The following OR52N4 variants were observed in gnomAD, a reference collection of about 807,000 sequenced individuals.
OR52N4 encodes the protein olfactory receptor 52N4.
In OR52N4, 15 loss-of-function variants were observed where a neutral mutation model predicts 15.0. The observed-to-expected ratio is 1.00, with a 90% CI of 0.67 to 1.54. The LOEUF (loss-of-function observed/expected upper bound fraction) is 1.54, where lower values mean the gene tolerates loss of function less well. Among genes scored for constraint, OR52N4 ranks in the 40% most tolerant of loss-of-function variants. The pLI is 0.00. For synonymous variants in OR52N4, 143 were observed against 143.7 expected, an observed-to-expected ratio of 1.00 and a Z score of 0.03; for missense variants, 421 against 394.0, an observed-to-expected ratio of 1.07 and a Z score of -0.58.
chr11:5,747,311 TAAATA>T, the OR52N4 span, among the ~76,000 whole-genome samples: 1 of 151,418 alleles, frequency 6.6e-6, no homozygotes, highest in African/African-American at 2.4e-5. Flanking sequence ...TCTAAAAAAA[TAAATA>T]AAATAAAATA....
Position 5,755,674 on chromosome 11 carries a change from G to T in OR52N4, c.934G>T (p.Gly312Cys). The change falls in exon 2 of 2, where the codon GGT (glycine) becomes TGT (cysteine). Residue 312 changes from glycine (G) to cysteine (C), a missense_variant. Gly to Cys is a radical substitution (Grantham distance 159). Transcript: ENST00000641350. ...AGACTGTGTCATAAGGATCCTTTCA[G>T]GTTCTAAGGATACCAAATCCTACAG... ...IRDCVIRILS[G>C]SKDTKSYSM 6.2e-7 allele frequency: 1 copy of T among 1,613,442 alleles called. No individual in the cohort carries two copies.
chr11:5,750,412 CA>C (rs1854165429), upstream of OR52N4, among the ~76,000 whole-genome samples: 1 of 151,884 alleles, frequency 6.6e-6, no homozygotes, highest in East Asian at 1.9e-4. Context: ...AGAAAAGCTG[CA>C]AAAGTGCATC....
chr11:5,728,826 C>G, the OR52N4 span, among the ~76,000 whole-genome samples: 1 of 152,276 alleles, frequency 6.6e-6, no homozygotes, highest in East Asian at 1.9e-4. Flanking sequence ...AAAAAATAAT[C>G]ACTTTTTATA....
chr11:5,728,439 G>A, the OR52N4 span, among the ~76,000 whole-genome samples: 1 of 152,196 alleles, frequency 6.6e-6, no homozygotes, highest in Admixed American at 6.5e-5. Context: ...TTGGAAACCA[G>A]TTACTGTACA....
chr11:5,738,848 G>T, the OR52N4 span, among the ~76,000 whole-genome samples: 1 of 131,060 alleles, frequency 7.6e-6, no homozygotes, highest in African/African-American at 2.7e-5. Context: ...ATCTTTTCCA[G>T]GCTACTTTCC....
chr11:5,738,769 T>G, the OR52N4 span, among the ~76,000 whole-genome samples: 9 of 151,066 alleles, frequency 6.0e-5, no homozygotes, highest in Non-Finnish European at 1.3e-4. Context: ...TTTCTTTCTT[T>G]TTTTTTTAAA....
the OR52N4 span, among the ~76,000 whole-genome samples, chr11:5,728,191 T>G: frequency 2.0e-5 from 3 of 152,304 alleles, no homozygotes; most frequent in Admixed American, 6.5e-5. Flanking sequence ...ACAAGCAGTT[T>G]CCAATTATTC....
At chr11:5,735,730 T>A in the OR52N4 span, among the ~76,000 whole-genome samples, 1 of 152,192 alleles carries the variant, frequency 6.6e-6, no homozygotes, top group Non-Finnish European at 1.5e-5. Flanking sequence ...AGTCTAATTT[T>A]AACCATGATT....
chr11:5,749,880 C>G (rs543693090), upstream of OR52N4, among the ~76,000 whole-genome samples: 1 of 152,050 alleles, frequency 6.6e-6, no homozygotes, highest in Admixed American at 6.5e-5. Flanking sequence ...ATAGCAAAGT[C>G]AAATTTCTTT....
chr11:5,755,504 C>A lies in OR52N4; in HGVS notation c.764C>A (p.Thr255Asn), dbSNP rs1854294257. 1 of 1,613,782 alleles carries A rather than the reference C, an allele frequency of 6.2e-7. No individual in the cohort carries two copies. The highest frequency in any genetic ancestry group is 1.1e-5 in the South Asian group (1 of 91,076). ...ATTTGTGCCATTGTTTTCTCCTATA[C>A]TCCAGCTTTCTTCTCCTTCTTTTCC... ...AHICAIVFSY[T>N]PAFFSFFSHR... Residue 255 changes from threonine to asparagine, a missense_variant, in exon 2 of 2, where the codon ACT becomes AAT. By Grantham distance (65) the Thr-to-Asn change is moderately conservative. Coordinates refer to ENST00000641350, the MANE Select transcript of OR52N4 (RefSeq NM_001005175.5).
chr11:5,730,944 T>C, the OR52N4 span, among the ~76,000 whole-genome samples: 1 of 152,114 alleles, frequency 6.6e-6, no homozygotes, highest in African/African-American at 2.4e-5. Flanking sequence ...TCTGATGATA[T>C]CATCTTGAAC....
At chr11:5,743,714 T>C in the OR52N4 span, among the ~76,000 whole-genome samples, 1 of 152,194 alleles carries the variant, frequency 6.6e-6, no homozygotes, top group Non-Finnish European at 1.5e-5. Flanking sequence ...ACTAAATCAT[T>C]TGGGAAATGG....
chr11:5,751,049 A>C (rs923068967), upstream of OR52N4, among the ~76,000 whole-genome samples: 2 of 151,990 alleles, frequency 1.3e-5, no homozygotes, highest in African/African-American at 2.4e-5. Context: ...TGGAAAAAAA[A>C]CAATTTGGTA....
In OR52N4 at chr11:5,755,246, C is replaced by T. The variant is rs777564912; in HGVS notation, c.506C>T (p.Pro169Leu). The change falls in exon 2 of 2, where the codon CCC (proline) becomes CTC (leucine). Residue 169 changes from proline to leucine, a missense_variant. Pro to Leu is a moderately conservative substitution (Grantham distance 98). Coordinates refer to ENST00000641350, the MANE Select transcript of OR52N4 (RefSeq NM_001005175.5). ...TTTACTTTCCTCACCAAGCTCCTGCCCTACTGCAGAGGCAATATACTTCCC... is the reference window on the plus strand; with the variant it reads ...TTTACTTTCCTCACCAAGCTCCTGCTCTACTGCAGAGGCAATATACTTCCC... Reference protein sequence around the residue: ...IPFTFLTKLLPYCRGNILPHT... With the variant: ...IPFTFLTKLLLYCRGNILPHT... 1 of 1,614,048 alleles carries T rather than the reference C, an allele frequency of 6.2e-7. No homozygotes were observed. The highest frequency in any genetic ancestry group is 1.1e-5 in the South Asian group (1 of 91,076).
the OR52N4 span, among the ~76,000 whole-genome samples, chr11:5,739,775 A>C: frequency 5.4e-5 from 7 of 128,548 alleles, 2 homozygotes; most frequent in African/African-American, 1.4e-4. Context: ...CATTAGATGC[A>C]TCTGCACCTT....
At chr11:5,737,116 C>A in the OR52N4 span, 51 of 1,613,854 alleles carry the variant, frequency 3.2e-5, no homozygotes, top group Non-Finnish European at 4.3e-5. Context: ...CTTGTGATGA[C>A]AGGAGGCCAA....
the OR52N4 span, among the ~76,000 whole-genome samples, chr11:5,745,395 C>T: frequency 2.6e-5 from 4 of 152,000 alleles, no homozygotes; most frequent in South Asian, 4.2e-4. Flanking sequence ...CATTGTTATA[C>T]ACTAATAACA....
Position 5,755,175 on chromosome 11 carries a change from G to C in OR52N4, c.435G>C (p.Lys145Asn). ...TCCTCACCAATCCTGTAATTGCAAA[G>C]GTTGGGACTGCCACCTTCCTGAGAG... ...STILTNPVIA[K>N]VGTATFLRGV... The change falls in exon 2 of 2, where the codon AAG becomes AAC. Residue 145 changes from lysine to asparagine, a missense_variant. By Grantham distance (94) the Lys-to-Asn change is moderately conservative. Transcript: ENST00000641350. The C allele has an allele frequency of 1.2e-6, 2 of 1,614,016 alleles. No individual in the cohort carries two copies. The highest frequency in any genetic ancestry group is 1.6e-4 in the Middle Eastern group (1 of 6,062).
At chr11:5,738,255 G>A in the OR52N4 span, 1 of 152,192 alleles carries the variant, frequency 6.6e-6, no homozygotes, top group East Asian at 1.9e-4. Context: ...CAGCATTTGG[G>A]CTATTTATTA....
Sources: allele counts gnomAD v4.1 joint callset (sites outside exome capture counted in the v4.1 genomes callset), GRCh38; gene constraint gnomAD v4.1.1; transcripts MANE v1.5; gene names NCBI Gene and HGNC (gene_info 2026-07-23, HGNC 2026-07-21).